Variants in RAET1E observed in about 807,000 individuals in gnomAD.
The protein encoded by RAET1E is retinoic acid early transcript 1E.
RAET1E carries 27 observed loss-of-function variants against 21.1 expected under a neutral mutation model. That is an observed-to-expected ratio of 1.28 (90% CI 0.94 to 1.76). The LOEUF (loss-of-function observed/expected upper bound fraction) is 1.76. Among genes scored for constraint, RAET1E ranks in the 40% most tolerant of loss-of-function variants. The probability of loss-of-function intolerance (pLI) is 0.00; values close to 1 mark genes in which losing one functional copy is unlikely to be tolerated. For missense variants in RAET1E, 310 were observed against 311.3 expected (o/e 1.00, Z 0.03); for synonymous variants, 113 against 115.0 (o/e 0.98, Z 0.11).
chr6:149,888,656 T>C lies in RAET1E; in HGVS notation c.634A>G (p.Asn212Asp). The C allele has an allele frequency of 6.4e-7, 1 of 1,572,420 alleles. No individual in the cohort carries two copies. The highest frequency in any genetic ancestry group is 8.5e-7 in the Non-Finnish European group (1 of 1,171,164). Residue 212 changes from asparagine to aspartate, a missense_variant, in exon 6 of 6, where the codon AAT becomes GAT. Coordinates refer to ENST00000357183, the MANE Select transcript of RAET1E (RefSeq NM_001394057.1). ...AMPEPTVSPVNASDIHWSSSS... is the reference protein window; with the variant it reads ...AMPEPTVSPVDASDIHWSSSS... Reference sequence around the variant, plus strand: ...GAAGACCAGTGGATATCTGAAGCATTTACTGGTGACACTAAAAAAAAAAAA... The same window carrying C: ...GAAGACCAGTGGATATCTGAAGCATCTACTGGTGACACTAAAAAAAAAAAA...
At chr6:149,893,113 A>G (rs913778041) in intron 2 of RAET1E, among the ~76,000 whole-genome samples, 1 of 152,200 alleles carries the variant, frequency 6.6e-6, no homozygotes, top group African/African-American at 2.4e-5. Flanking sequence ...GACTTGTAGT[A>G]TAGCTTGAAG....
At chr6:149,888,712 A>G in intron 5 of RAET1E, 45 bp from the exon 6 acceptor site, 1 of 1,500,852 alleles carries the variant, frequency 6.7e-7, no homozygotes, top group Non-Finnish European at 8.8e-7. Context: ...GCCCTGTCAC[A>G]TAAAAAAAAA....
chr6:149,891,661 A>T (rs756327988), intron 2 of RAET1E, among the ~76,000 whole-genome samples: 1 of 152,166 alleles, frequency 6.6e-6, no homozygotes, highest in Admixed American at 6.5e-5. Flanking sequence ...ATGAGGCAGG[A>T]GGATCACTTG....
At chr6:149,891,819 G>A (rs995568721) in intron 2 of RAET1E, among the ~76,000 whole-genome samples, 3 of 152,084 alleles carry the variant, frequency 2.0e-5, no homozygotes, top group Non-Finnish European at 4.4e-5. Flanking sequence ...CTGGTAGTTT[G>A]CTGCACCCAT....
At position 149,889,800 on chromosome 6, in the gene RAET1E, T is replaced by C. The variant is rs922975137; in HGVS notation, c.346+85A>G. ...GTTGGGCCAATGATCAATACACAGA[T>C]ATACCTAAAGCCCCTCCCCATCTGT... On this transcript the variant is annotated intron_variant, in intron 4 of 5. Transcript: ENST00000357183. The C allele has an allele frequency of 5.2e-6, 8 of 1,534,054 alleles. No homozygotes were observed. In the African/African-American group the frequency reaches 6.8e-5, roughly 13 times the overall value.
chr6:149,890,984 T>C lies in RAET1E; in HGVS notation c.-83A>G, dbSNP rs1777869603. The C allele has an allele frequency of 1.9e-6, 2 of 1,028,368 alleles. No individual in the cohort carries two copies. The highest frequency in any genetic ancestry group is 3.7e-5 in the Admixed American group (2 of 53,498). 63.7% of individuals were successfully genotyped at this position (1,028,368 alleles called of 1,614,324 possible). On this transcript the variant is annotated 5_prime_UTR_variant, in exon 3 of 6. Coordinates refer to ENST00000357183, the MANE Select transcript of RAET1E (RefSeq NM_001394057.1). ...GGTGAAGAAATGTTATCCAACAGCG[T>C]GGGTGTGGGCACTGCCCAAATTCTT...
intron 2 of RAET1E, among the ~76,000 whole-genome samples, chr6:149,894,061 C>T (rs547275637): frequency 1.4e-3 from 206 of 152,276 alleles, no homozygotes; most frequent in Middle Eastern, 6.8e-3. Flanking sequence ...CCAACTTGAT[C>T]GTGGTGGATA....
rs141687662 is a variant in RAET1E, at chr6:149,893,631, A to T, written c.-134+2215T>A. ...GATGATGGAGTTTTCTAAATATACA[A>T]TCATGTCATCTGCAAACAGAGACAA... On this transcript the variant is annotated intron_variant, in intron 2 of 5. Transcript: ENST00000357183. Among the ~76,000 whole-genome samples, 1,267 of 152,342 alleles carry T rather than the reference A, an allele frequency of 8.3e-3. 26 individuals carry two copies. Among genetic ancestry groups the T allele is most frequent in the African/African-American group, 0.029 (1,226 of 41,576 alleles).
At position 149,890,047 on chromosome 6, in the gene RAET1E, G is replaced by A; in HGVS notation, c.184C>T (p.Leu62Phe). 6.2e-7 allele frequency: 1 copy of A among 1,614,130 alleles called. No individual in the cohort carries two copies. The highest frequency in any genetic ancestry group is 2.2e-5 in the East Asian group (1 of 44,888). The stretch of plus-strand genomic sequence containing the variant: ...ATGTTGTTGTCACTGTTGTACTGAA[G>A]GAAAAGATTTTTATTCAAGAAGACC... ...AQVFLNKNLF[L>F]QYNSDNNMVK... is the part of the protein sequence containing the mutation. The change falls in exon 4 of 6, where the codon CTT (leucine) becomes TTT (phenylalanine). Residue 62 changes from leucine (L) to phenylalanine (F), a missense_variant. By Grantham distance (22) the Leu-to-Phe change is conservative. Coordinates refer to ENST00000357183, the MANE Select transcript of RAET1E (RefSeq NM_001394057.1).
chr6:149,897,833 C>G (rs866091541), intron 1 of RAET1E, among the ~76,000 whole-genome samples, 188 bp downstream of exon 1: 2 of 152,070 alleles, frequency 1.3e-5, no homozygotes, highest in Non-Finnish European at 2.9e-5. Context: ...AGAGCCACCC[C>G]GTCCTCCCTG....
chr6:149,891,637 A>G (rs187155701), intron 2 of RAET1E, among the ~76,000 whole-genome samples: 1,928 of 152,288 alleles, frequency 0.013, 36 homozygotes, highest in African/African-American at 0.044. Flanking sequence ...CTATAATCCC[A>G]GCACTTTGGG....
intron 1 of RAET1E, among the ~76,000 whole-genome samples, chr6:149,896,631 T>C (rs1433062233): frequency 7.0e-6 from 1 of 143,780 alleles, no homozygotes; most frequent in African/African-American, 2.7e-5. Flanking sequence ...AAGAACAGAG[T>C]GTATGTGTGT....
rs534130318 is a variant in RAET1E, at chr6:149,893,923, T to A, written c.-134+1923A>T. On this transcript the variant is annotated intron_variant, in intron 2 of 5. Transcript: ENST00000357183. The stretch of plus-strand genomic sequence containing the variant: ...GTTTTTAGCATGAAGTGGTGTTGAA[T>A]TTTATCAAAGTTCTTTTCTGCATCT... Among the ~76,000 whole-genome samples, 20 of 152,334 alleles carry A rather than the reference T, an allele frequency of 1.3e-4. No homozygotes were observed. The South Asian group carries it at 4.1e-3, about 32-fold the overall frequency.
rs4869755 is a variant in RAET1E at position 149,886,347 on chromosome 6, G to A, written c.*2151C>T. ...TTCTAGTTTATTTCCATTGTGCTTGGACAAGATGCTTCGCATGATTTTAAC... is the reference window on the plus strand; with the variant it reads ...TTCTAGTTTATTTCCATTGTGCTTGAACAAGATGCTTCGCATGATTTTAAC... On this transcript the variant is annotated 3_prime_UTR_variant, in exon 6 of 6. Coordinates refer to ENST00000357183, the MANE Select transcript of RAET1E (RefSeq NM_001394057.1). Among the ~76,000 whole-genome samples, 32,596 of 151,992 alleles carry A rather than the reference G, an allele frequency of 0.21. 4,222 individuals carry two copies. Among genetic ancestry groups the A allele is most frequent in the Admixed American group, 0.33 (5,033 of 15,266 alleles).
Position 149,888,262 on chromosome 6 carries a change from G to T in RAET1E, c.*236C>A. The T allele has an allele frequency of 1.4e-6, 1 of 706,790 alleles. No homozygotes were observed. 43.8% of individuals were successfully genotyped at this position (706,790 alleles called of 1,614,324 possible). On this transcript the variant is annotated 3_prime_UTR_variant, in exon 6 of 6. Transcript: ENST00000357183. The stretch of plus-strand genomic sequence containing the variant: ...CGTCAAAGAGCTGGATGAAACCTGG[G>T]CCGGATGGCAAGGAGACAACACCCC...
Position 149,883,382 on chromosome 6 carries a change from A to G in RAET1E, c.*5116T>C, listed in dbSNP as rs1777479468. The G allele has an allele frequency of 6.8e-6, 1 of 147,244 alleles. No homozygotes were observed. Among genetic ancestry groups the G allele is most frequent in the Admixed American group, 6.7e-5 (1 of 14,856 alleles). 9.1% of individuals were successfully genotyped at this position (147,244 alleles called of 1,614,324 possible). On this transcript the variant is annotated 3_prime_UTR_variant, in exon 6 of 6. Coordinates refer to ENST00000357183, the MANE Select transcript of RAET1E (RefSeq NM_001394057.1). ...CAATTTTTTTTTTTTTTTTGCATTCAGTGTTAAAGTGTTTATCAGAAAGAA... is the reference window on the plus strand; with the variant it reads ...CAATTTTTTTTTTTTTTTTGCATTCGGTGTTAAAGTGTTTATCAGAAAGAA...
chr6:149,891,741 T>A (rs575890655), intron 2 of RAET1E, among the ~76,000 whole-genome samples: 1 of 152,106 alleles, frequency 6.6e-6, no homozygotes, highest in Admixed American at 6.6e-5. Flanking sequence ...AATTTTTTTT[T>A]ATTATACTTT....
chr6:149,885,517 T>TACAG lies in RAET1E; in HGVS notation c.*2977_*2980dup, dbSNP rs890802359. 2.0e-5 allele frequency: 3 copies of TACAG among 152,268 alleles called. No homozygotes were observed. Among genetic ancestry groups the TACAG allele is most frequent in the Admixed American group, 6.5e-5 (1 of 15,286 alleles). The allele number at this position is 152,268 out of a possible 1,614,324, so 9.4% of individuals were successfully genotyped here. A position where few individuals can be genotyped will look rare whatever the true frequency, so the allele number is the denominator to read the frequency against. ...GCAACCTCATTTCTCCCTGTCCTCA[T>TACAG]ACAGGACAAGCCCTGCCCCTAATCC... On this transcript the variant is annotated 3_prime_UTR_variant, in exon 6 of 6. Coordinates refer to ENST00000357183, the MANE Select transcript of RAET1E (RefSeq NM_001394057.1).
chr6:149,884,560 A>T lies in RAET1E; in HGVS notation c.*3938T>A. 1 of 1,495,434 alleles carries T rather than the reference A, an allele frequency of 6.7e-7. No homozygotes were observed. Among genetic ancestry groups the T allele is most frequent in the South Asian group, 1.2e-5 (1 of 83,122 alleles). The allele number at this position is 1,495,434 out of a possible 1,614,324, so 92.6% of individuals were successfully genotyped here. A position where few individuals can be genotyped will look rare whatever the true frequency, so the allele number is the denominator to read the frequency against. Reference sequence around the variant, plus strand: ...CCTGGGTCAGATCAGCTCAGGATTGACCCCTCCGTGATCTCTCAGGACTCA... The same window carrying T: ...CCTGGGTCAGATCAGCTCAGGATTGTCCCCTCCGTGATCTCTCAGGACTCA... On this transcript the variant is annotated 3_prime_UTR_variant, in exon 6 of 6. Transcript: ENST00000357183.
Sources: gnomAD v4.1 joint callset for allele counts (sites outside exome capture counted in the v4.1 genomes callset) on GRCh38, gnomAD v4.1.1 for gene constraint, MANE v1.5 for transcripts, NCBI Gene and HGNC (gene_info 2026-07-23, HGNC 2026-07-21) for gene names.